PKN2: variants seen among roughly 807,000 people sequenced by gnomAD.
The protein encoded by PKN2 is serine/threonine-protein kinase N2.
In PKN2, 38 loss-of-function variants were observed where a neutral mutation model predicts 119.1. The ratio of observed to expected loss-of-function variants is 0.32; its 90% CI spans 0.25 to 0.42. The LOEUF is 0.42. Among genes scored for constraint, PKN2 ranks in the 10% least tolerant of loss-of-function variants. The pLI, the probability that PKN2 is intolerant of heterozygous loss-of-function variation, is 1.00. For synonymous variants in PKN2, 390 were observed against 384.9 expected (o/e 1.01, Z -0.15); for missense variants, 850 against 1,165.1 (o/e 0.73, Z 3.94).
intron 1 of PKN2, among the ~76,000 whole-genome samples, chr1:88,702,045 G>A (rs568927828): frequency 2.0e-5 from 3 of 152,220 alleles, no homozygotes; most frequent in East Asian, 1.9e-4. Flanking sequence ...TGCAACCTCC[G>A]CCTCCTGGGC....
chr1:88,780,995 A>G (rs972424231), intron 6 of PKN2: 4 of 691,078 alleles, frequency 5.8e-6, no homozygotes, highest in South Asian at 6.6e-5. Context: ...TCAAAGTTAT[A>G]TAAGTCACCA....
chr1:88,719,060 A>C (rs1439500200), intron 1 of PKN2, among the ~76,000 whole-genome samples: 7 of 152,162 alleles, frequency 4.6e-5, no homozygotes, highest in Non-Finnish European at 1.0e-4. Flanking sequence ...ACAAACCCTC[A>C]TGGTAATTTA....
Position 88,832,880 on chromosome 1 carries a change from T to G in PKN2, c.2670+29T>G, listed in dbSNP as rs756095155. 9.6e-6 allele frequency: 13 copies of G among 1,360,784 alleles called. No homozygotes were observed. In the African/African-American group the frequency reaches 1.8e-4, roughly 18 times the overall value. The allele number at this position is 1,360,784 out of a possible 1,614,324, so 84.3% of individuals were successfully genotyped here. On this transcript the variant is annotated intron_variant, in intron 20 of 21. Transcript: ENST00000370521. ...AGAATTAAAATAAGGATAAGAATTT[T>G]TTAAAGACTACTTTAATTTTTTATA...
intron 1 of PKN2, among the ~76,000 whole-genome samples, chr1:88,688,267 AG>A (rs1191451914): frequency 1.3e-5 from 2 of 152,036 alleles, no homozygotes; most frequent in Non-Finnish European, 2.9e-5. Context: ...TTGTATTTTT[AG>A]TAGAGACGGG....
intron 15 of PKN2, among the ~76,000 whole-genome samples, chr1:88,810,442 A>C (rs1325988861): frequency 6.6e-6 from 1 of 152,004 alleles, no homozygotes; most frequent in Non-Finnish European, 1.5e-5. Flanking sequence ...TATTTTTAAA[A>C]GTAATGTATT....
intron 1 of PKN2, among the ~76,000 whole-genome samples, chr1:88,692,475 A>G (rs944180932): frequency 2.0e-5 from 3 of 152,208 alleles, no homozygotes; most frequent in Admixed American, 6.5e-5. Context: ...TTATATTCAT[A>G]TTAGCAATAT....
At chr1:88,812,304 G>T (rs770602305) in intron 15 of PKN2, among the ~76,000 whole-genome samples, 10 of 152,078 alleles carry the variant, frequency 6.6e-5, no homozygotes, top group Non-Finnish European at 1.0e-4. Flanking sequence ...TCATTTCAAG[G>T]GGTAGTCCAG....
intron 19 of PKN2, among the ~76,000 whole-genome samples, chr1:88,830,636 A>T (rs919739550): frequency 2.6e-5 from 4 of 152,108 alleles, no homozygotes; most frequent in Non-Finnish European, 5.9e-5. Flanking sequence ...ATCCAGTTGA[A>T]TCTACTCCCT....
Position 88,834,896 on chromosome 1 carries a change from A to G in PKN2, c.*1448A>G, listed in dbSNP as rs942352380. 1.2e-4 allele frequency: 18 copies of G among 152,240 alleles called. No individual in the cohort carries two copies. The highest frequency in any genetic ancestry group is 2.7e-4 in the Non-Finnish European group (18 of 67,882). 9.4% of individuals were successfully genotyped at this position (152,240 alleles called of 1,614,324 possible). On this transcript the variant is annotated 3_prime_UTR_variant, in exon 22 of 22. Transcript: ENST00000370521. ...TCTTAGTTTAGTAATAGCATCTTTG[A>G]TCCTGTGCTTAGCATGTTAGGGTCA... is the stretch of plus-strand genomic sequence containing the variant.
At chr1:88,694,609 T>C (rs953353645) in intron 1 of PKN2, among the ~76,000 whole-genome samples, 3 of 152,222 alleles carry the variant, frequency 2.0e-5, no homozygotes, top group African/African-American at 7.2e-5. Context: ...ATGCAACTTT[T>C]CAACTCCTTT....
intron 6 of PKN2, among the ~76,000 whole-genome samples, chr1:88,774,793 C>T (rs969893716): frequency 2.6e-5 from 4 of 151,570 alleles, no homozygotes; most frequent in African/African-American, 9.7e-5. Flanking sequence ...ACTGTAACCT[C>T]AAACATCTGG....
At chr1:88,817,708 CAAAAA>C (rs55863627) in intron 16 of PKN2, among the ~76,000 whole-genome samples, 1 of 133,016 alleles carries the variant, frequency 7.5e-6, no homozygotes, top group African/African-American at 2.7e-5. Flanking sequence ...GACTCCGTCT[CAAAAA>C]AAAAAAAAAG....
rs1176622624 is a variant in PKN2 at position 88,833,543 on chromosome 1, GTTTT to G, written c.*98_*101del. 5 of 869,806 alleles carry G rather than the reference GTTTT, an allele frequency of 5.7e-6. No individual in the cohort carries two copies. Among genetic ancestry groups the G allele is most frequent in the Non-Finnish European group, 9.1e-6 (5 of 547,856 alleles). 53.9% of individuals were successfully genotyped at this position (869,806 alleles called of 1,614,324 possible). On this transcript the variant is annotated 3_prime_UTR_variant, in exon 22 of 22. Coordinates refer to ENST00000370521, the MANE Select transcript of PKN2 (RefSeq NM_006256.4). ...TCTCTGTGCCACCAATAGCTTCTGA[GTTTT>G]TTGTTGTTGTTGTTTTTATTGAAAC... is the stretch of plus-strand genomic sequence containing the variant.
intron 1 of PKN2, among the ~76,000 whole-genome samples, chr1:88,705,823 TA>T (rs1428124858): frequency 2.0e-5 from 3 of 152,096 alleles, no homozygotes; most frequent in Non-Finnish European, 4.4e-5. Flanking sequence ...TATTTATTAT[TA>T]TTTTTTTTTG....
intron 2 of PKN2, among the ~76,000 whole-genome samples, chr1:88,750,065 T>C (rs899120798): frequency 6.6e-6 from 1 of 152,200 alleles, no homozygotes; most frequent in Non-Finnish European, 1.5e-5. Context: ...ACCTTGGTTT[T>C]CTCATTTGTA....
chr1:88,767,260 A>G (rs1427423725), intron 3 of PKN2, among the ~76,000 whole-genome samples: 1 of 152,230 alleles, frequency 6.6e-6, no homozygotes, highest in East Asian at 1.9e-4. Flanking sequence ...TACATAGTTT[A>G]TGCAAGAAAC....
chr1:88,790,883 A>T (rs1670805010), intron 8 of PKN2, among the ~76,000 whole-genome samples: 1 of 152,028 alleles, frequency 6.6e-6, no homozygotes, highest in African/African-American at 2.4e-5. Context: ...CAACTGAAAA[A>T]TTTACATTTG....
At chr1:88,814,016 C>T (rs374266575) in intron 16 of PKN2, among the ~76,000 whole-genome samples, 1 of 151,862 alleles carries the variant, frequency 6.6e-6, no homozygotes, top group East Asian at 1.9e-4. Context: ...GATTTTCTCA[C>T]TAGAGAATGC....
At chr1:88,749,995 A>G (rs1484438282) in intron 2 of PKN2, among the ~76,000 whole-genome samples, 1 of 152,188 alleles carries the variant, frequency 6.6e-6, no homozygotes, top group Non-Finnish European at 1.5e-5. Flanking sequence ...ATCATCTGAG[A>G]TGTCATTCAG....
Sources: allele counts gnomAD v4.1 joint callset (sites outside exome capture counted in the v4.1 genomes callset), GRCh38; gene constraint gnomAD v4.1.1; transcripts MANE v1.5; gene names NCBI Gene and HGNC (gene_info 2026-07-23, HGNC 2026-07-21).